Variants in AK9 observed in about 807,000 individuals in gnomAD.
The protein encoded by AK9 is adenylate kinase domain containing 1.
AK9 carries 191 observed loss-of-function variants against 239.6 expected under a neutral mutation model. The ratio of observed to expected loss-of-function variants is 0.80; its 90% CI spans 0.71 to 0.90. AK9 has a LOEUF of 0.90. Ranked by LOEUF, AK9 falls within the 40% of genes least tolerant of loss-of-function variation. The pLI, the probability that AK9 is intolerant of heterozygous loss-of-function variation, is 0.00. For synonymous variants in AK9, 689 were observed against 721.0 expected, an observed-to-expected ratio of 0.96 and a Z score of 0.71; for missense variants, 1,995 against 2,214.7, an observed-to-expected ratio of 0.90 and a Z score of 1.99.
intron 36 of AK9, among the ~76,000 whole-genome samples, chr6:109,498,770 T>C (rs1168557915): frequency 6.6e-6 from 1 of 152,258 alleles, no homozygotes; most frequent in Non-Finnish European, 1.5e-5. Flanking sequence ...ATCTCTTCCA[T>C]TGATGGGGCT....
intron 1 of AK9, among the ~76,000 whole-genome samples, chr6:109,684,849 G>A (rs1272107462): frequency 6.7e-5 from 7 of 104,794 alleles, no homozygotes; most frequent in Admixed American, 1.4e-4. Context: ...ACTCCAGCCT[G>A]GGCGACAGAG....
At chr6:109,557,216 T>C (rs972988606) in intron 24 of AK9, among the ~76,000 whole-genome samples, 1 of 152,142 alleles carries the variant, frequency 6.6e-6, no homozygotes, top group Non-Finnish European at 1.5e-5. Context: ...ACTTTCTACT[T>C]GTTTGTTTTT....
At chr6:109,655,308 AT>A (rs377273840) in intron 8 of AK9, among the ~76,000 whole-genome samples, 15 of 152,266 alleles carry the variant, frequency 9.9e-5, no homozygotes, top group African/African-American at 3.6e-4. Flanking sequence ...GAAGCTGAAC[AT>A]TTTTTCTACA....
Position 109,614,248 on chromosome 6 carries a change from G to T in AK9, c.1544C>A (p.Thr515Asn), listed in dbSNP as rs1331969346. 1 of 1,551,290 alleles carries T rather than the reference G, an allele frequency of 6.4e-7. No individual in the cohort carries two copies. Among genetic ancestry groups the T allele is most frequent in the Non-Finnish European group, 8.7e-7 (1 of 1,146,752 alleles). The change falls in exon 15 of 41, where the codon ACC becomes AAC. Residue 515 changes from threonine to asparagine, a missense_variant. Transcript: ENST00000424296. The stretch of plus-strand genomic sequence containing the variant: ...TTCTGACTTTGTTTTGGCTTCTTCG[G>T]TGTCCACTAAAGAGCTGCCTCTGTC... ...QRDRGSSLVD[T>N]EEAKTKSENV...
At chr6:109,614,574 A>C (rs1196624391) in intron 13 of AK9, 94 bp from the exon 14 acceptor site, 1 of 991,010 alleles carries the variant, frequency 1.0e-6, no homozygotes, top group African/African-American at 1.6e-5. Context: ...AGTTAGACAC[A>C]GTTGAGTTTC....
chr6:109,502,954 G>GGT (rs1218694406), intron 35 of AK9, among the ~76,000 whole-genome samples: 11 of 121,782 alleles, frequency 9.0e-5, no homozygotes, highest in Non-Finnish European at 1.3e-4. Context: ...CCACAGGAAC[G>GGT]GTATGTGTGT....
chr6:109,566,798 T>G (rs1022714942), intron 21 of AK9, among the ~76,000 whole-genome samples: 1 of 152,082 alleles, frequency 6.6e-6, no homozygotes, highest in African/African-American at 2.4e-5. Context: ...CTCAACTACA[T>G]GGAAACTGAA....
chr6:109,603,727 G>A (rs920261278), intron 17 of AK9, among the ~76,000 whole-genome samples: 9 of 152,142 alleles, frequency 5.9e-5, no homozygotes, highest in Non-Finnish European at 1.0e-4. Flanking sequence ...CACCCAGTTC[G>A]AGCTTCCTGG....
chr6:109,684,634 G>A (rs1327450899), intron 1 of AK9, among the ~76,000 whole-genome samples: 14 of 151,236 alleles, frequency 9.3e-5, no homozygotes, highest in Admixed American at 5.3e-4. Context: ...CAGCACTTTG[G>A]GAGGCCGAGG....
chr6:109,508,086 T>G (rs1778299417), intron 33 of AK9, among the ~76,000 whole-genome samples: 1 of 152,364 alleles, frequency 6.6e-6, no homozygotes, highest in South Asian at 2.1e-4. Flanking sequence ...TTGTGAATTG[T>G]TCATTGCTTA....
At chr6:109,641,352 T>C (rs562285559) in intron 10 of AK9, among the ~76,000 whole-genome samples, 166 bp downstream of exon 10, 1 of 129,556 alleles carries the variant, frequency 7.7e-6, no homozygotes, top group Admixed American at 8.3e-5. Flanking sequence ...TTTCTTTCTT[T>C]TTTTTTTTTT....
At chr6:109,549,525 G>T (rs1784040876) in intron 25 of AK9, among the ~76,000 whole-genome samples, 1 of 152,038 alleles carries the variant, frequency 6.6e-6, no homozygotes, top group African/African-American at 2.4e-5. Flanking sequence ...GTCTGTGTTT[G>T]TGTTTTGTTT....
intron 5 of AK9, among the ~76,000 whole-genome samples, chr6:109,670,841 G>A (rs371804571): frequency 1.2e-4 from 18 of 152,096 alleles, no homozygotes; most frequent in East Asian, 1.2e-3. Context: ...ATATTTTGCC[G>A]TTCAGTCTCT....
chr6:109,542,012 C>A (rs1227197791), intron 27 of AK9, 35 bp downstream of exon 27: 2 of 1,464,842 alleles, frequency 1.4e-6, no homozygotes, highest in East Asian at 2.4e-5. Context: ...CAAATAAAAG[C>A]AAATAAATGT....
intron 17 of AK9, among the ~76,000 whole-genome samples, chr6:109,602,904 C>G (rs1296960874): frequency 6.6e-6 from 1 of 152,198 alleles, no homozygotes; most frequent in Non-Finnish European, 1.5e-5. Context: ...AGTTCTCGTG[C>G]CATGGTTTTC....
At chr6:109,500,032 G>GACAC (rs1385241254) in intron 35 of AK9, among the ~76,000 whole-genome samples, 21 of 76,384 alleles carry the variant, frequency 2.7e-4, no homozygotes, top group African/African-American at 9.9e-4. Flanking sequence ...CTATATATAT[G>GACAC]ATACACACAC....
At chr6:109,542,667 C>T (rs1783051116) in intron 26 of AK9, among the ~76,000 whole-genome samples, 3 of 152,048 alleles carry the variant, frequency 2.0e-5, no homozygotes, top group Admixed American at 1.3e-4. Flanking sequence ...TAGAATGAGA[C>T]CTGTTATTTT....
At position 109,585,242 on chromosome 6, in the gene AK9, A is replaced by T. The variant is rs1339589325; in HGVS notation, c.2000-5T>A. The T allele has an allele frequency of 4.9e-6, 4 of 813,688 alleles. No individual in the cohort carries two copies. The highest frequency in any genetic ancestry group is 6.5e-6 in the Non-Finnish European group (4 of 618,862). The allele number at this position is 813,688 out of a possible 1,614,324, so 50.4% of individuals were successfully genotyped here. A position where few individuals can be genotyped will look rare whatever the true frequency, so the allele number is the denominator to read the frequency against. ...TTCTATTAAATAAACATTTTCCTGA[A>T]ATACAGATAAGGAGACTAATATTAC... On this transcript the variant is annotated splice_region_variant and splice_polypyrimidine_tract_variant and intron_variant, in intron 18 of 40. Transcript: ENST00000424296.
At chr6:109,639,224 C>T (rs1390673047) in intron 10 of AK9, among the ~76,000 whole-genome samples, 9 of 152,308 alleles carry the variant, frequency 5.9e-5, no homozygotes, top group African/African-American at 1.7e-4. Context: ...GAGGAATCAC[C>T]GCACTGTCTT....
Sources: gnomAD v4.1 joint callset for allele counts (sites outside exome capture counted in the v4.1 genomes callset) on GRCh38, gnomAD v4.1.1 for gene constraint, MANE v1.5 for transcripts, NCBI Gene and HGNC (gene_info 2026-07-23, HGNC 2026-07-21) for gene names.